The following MAST4 variants were observed in gnomAD, a reference collection of about 807,000 sequenced individuals.
The protein encoded by MAST4 is microtubule associated serine/threonine kinase family member 4.
Under a neutral mutation model 162.7 loss-of-function variants are expected in MAST4, and 89 were observed. The observed-to-expected ratio is 0.55, with a 90% confidence interval of 0.46 to 0.65. MAST4 has a LOEUF of 0.65. Ranked by LOEUF, MAST4 falls within the 30% of genes least tolerant of loss-of-function variation. The pLI is 0.00. For missense variants in MAST4, 3,153 were observed against 3,374.0 expected (o/e 0.93, Z 1.62); for synonymous variants, 1,479 against 1,361.1 (o/e 1.09, Z -1.91).
intron 4 of MAST4, among the ~76,000 whole-genome samples, chr5:66,974,720 A>G (rs571713990): frequency 6.6e-6 from 1 of 152,352 alleles, no homozygotes; most frequent in East Asian, 1.9e-4. Flanking sequence ...GCCACTAAAA[A>G]TTGAGTAGAG....
intron 1 of MAST4, among the ~76,000 whole-genome samples, chr5:66,728,629 AAGTTAG>A (rs1268979685): frequency 2.0e-5 from 3 of 152,242 alleles, no homozygotes; most frequent in Non-Finnish European, 4.4e-5. Flanking sequence ...TGACTAGTGC[AAGTTAG>A]AGTTTAGCTC....
chr5:66,931,839 G>C (rs1742230371), intron 4 of MAST4, among the ~76,000 whole-genome samples: 3 of 152,120 alleles, frequency 2.0e-5, no homozygotes, highest in Non-Finnish European at 2.9e-5. Context: ...ATTACAACCA[G>C]AATAATACTG....
chr5:66,859,400 G>T (rs1210670609), intron 3 of MAST4, among the ~76,000 whole-genome samples: 3 of 151,948 alleles, frequency 2.0e-5, no homozygotes, highest in African/African-American at 2.4e-5. Context: ...TGTTGGTGTT[G>T]GTATTTTAAT....
intron 3 of MAST4, among the ~76,000 whole-genome samples, chr5:66,843,889 G>T (rs1758606104): frequency 6.6e-6 from 1 of 152,070 alleles, no homozygotes; most frequent in Non-Finnish European, 1.5e-5. Context: ...CTCTTTCGTA[G>T]TTTCATGAAT....
intron 1 of MAST4, among the ~76,000 whole-genome samples, chr5:66,616,891 C>T (rs1233312914): frequency 6.6e-6 from 1 of 152,228 alleles, no homozygotes; most frequent in Non-Finnish European, 1.5e-5. Context: ...GGCAGCTCTT[C>T]TCTACAATTG....
chr5:66,779,610 G>A (rs1164355721), intron 2 of MAST4, among the ~76,000 whole-genome samples: 1 of 152,100 alleles, frequency 6.6e-6, no homozygotes, highest in Admixed American at 6.5e-5. Context: ...CCATGTGAGT[G>A]GAAGATGAAA....
intron 4 of MAST4, among the ~76,000 whole-genome samples, chr5:67,000,756 AG>A (rs71610548): frequency 0.045 from 6,402 of 141,424 alleles, 234 homozygotes; most frequent in African/African-American, 0.088. Flanking sequence ...CTAAAAAAAA[AG>A]GGGGGGGGTG....
At chr5:67,056,191 G>A (rs909385643) in intron 5 of MAST4, among the ~76,000 whole-genome samples, 17 of 152,076 alleles carry the variant, frequency 1.1e-4, no homozygotes, top group African/African-American at 4.1e-4. Context: ...TAATTAGGGA[G>A]CGGGTGTAAG....
At chr5:66,817,668 AATTTT>A (rs1014907660) in intron 3 of MAST4, among the ~76,000 whole-genome samples, 2 of 152,184 alleles carry the variant, frequency 1.3e-5, no homozygotes, top group Admixed American at 6.5e-5. Context: ...AGAATTTTTA[AATTTT>A]ATTTTATTTT....
At chr5:67,160,629 T>C (rs772944665) in intron 27 of MAST4, 37 bp downstream of exon 27, 49 of 1,594,890 alleles carry the variant, frequency 3.1e-5, no homozygotes, top group Non-Finnish European at 4.1e-5. Flanking sequence ...GTTTGGTGTA[T>C]ACCTATGTTG....
chr5:67,104,596 A>T, intron 10 of MAST4, 21 bp downstream of exon 10: 1 of 1,592,802 alleles, frequency 6.3e-7, no homozygotes, highest in Non-Finnish European at 8.6e-7. Flanking sequence ...TGTACCATAT[A>T]GTTTTCTGAT....
chr5:66,870,925 G>GA, intron 3 of MAST4: 1 of 461,708 alleles, frequency 2.2e-6, no homozygotes, highest in Non-Finnish European at 4.5e-6. Context: ...ACAGGGTGTG[G>GA]GGTTTTATTT....
intron 3 of MAST4, among the ~76,000 whole-genome samples, chr5:66,845,085 TTATATATATATATATATATATATATATA>T (rs752796951): frequency 2.1e-4 from 12 of 57,972 alleles, no homozygotes; most frequent in East Asian, 2.2e-3. Flanking sequence ...TCACTAATCT[TTATATATATATATATATATATATATATA>T]TATATATATA....
At chr5:67,076,347 A>C (rs1406252074) in intron 5 of MAST4, among the ~76,000 whole-genome samples, 1 of 152,106 alleles carries the variant, frequency 6.6e-6, no homozygotes, top group Non-Finnish European at 1.5e-5. Context: ...AGTTTTTCCC[A>C]CAGCTTTCTC....
intron 26 of MAST4, among the ~76,000 whole-genome samples, chr5:67,159,518 AG>A (rs1283185104): frequency 2.0e-5 from 3 of 152,180 alleles, no homozygotes; most frequent in Non-Finnish European, 1.5e-5. Context: ...GCTGAGCTCT[AG>A]GTATCTTCCA....
chr5:67,024,843 T>A (rs1754444998), intron 4 of MAST4, among the ~76,000 whole-genome samples: 1 of 151,734 alleles, frequency 6.6e-6, no homozygotes, highest in Admixed American at 6.6e-5. Context: ...TTTTTTTTTT[T>A]ATTTTTAGCT....
At chr5:66,729,268 A>G (rs1443834901) in intron 1 of MAST4, among the ~76,000 whole-genome samples, 1 of 152,214 alleles carries the variant, frequency 6.6e-6, no homozygotes, top group East Asian at 1.9e-4. Flanking sequence ...TTGAAAAGGG[A>G]TATCTGTTAA....
At chr5:66,962,313 G>T (rs571806125) in intron 4 of MAST4, among the ~76,000 whole-genome samples, 3 of 152,200 alleles carry the variant, frequency 2.0e-5, no homozygotes, top group African/African-American at 7.2e-5. Flanking sequence ...GCACGGTGGT[G>T]CATGCCCATA....
Position 67,163,269 on chromosome 5 carries a change from C to A in MAST4, c.4090C>A (p.Arg1364=), listed in dbSNP as rs779584143. 1 of 1,613,472 alleles carries A rather than the reference C, an allele frequency of 6.2e-7. No homozygotes were observed. The change falls in exon 29 of 29, where the codon CGG becomes AGG. Residue 1364 remains arginine, a synonymous_variant. Coordinates refer to ENST00000403625, the MANE Select transcript of MAST4 (RefSeq NM_001164664.2). This position sits in a 1 kb window ranked among gnomAD's most constrained non-coding sequence, Gnocchi z 7.0. ...LAPKLGGQRY[R]SGRRKSAGNI... ...ACCCAAACTCGGCGGGCAGCGGTACCGGTCCGGAAGGCGAAAGTCCGCCGG... is the reference window on the plus strand; with the variant it reads ...ACCCAAACTCGGCGGGCAGCGGTACAGGTCCGGAAGGCGAAAGTCCGCCGG...
Sources: allele counts gnomAD v4.1 joint callset (sites outside exome capture counted in the v4.1 genomes callset), GRCh38; gene constraint gnomAD v4.1.1; non-coding constraint Gnocchi (gnomAD v3.1); transcripts MANE v1.5; gene names NCBI Gene and HGNC (gene_info 2026-07-23, HGNC 2026-07-21).